GLT8D1: variants seen among roughly 807,000 people sequenced by gnomAD.
GLT8D1 encodes glycosyltransferase 8 domain containing 1.
GLT8D1 carries 41 observed loss-of-function variants against 46.2 expected under a neutral mutation model. The observed-to-expected ratio is 0.89, with a 90% CI of 0.69 to 1.15. The LOEUF is 1.15. GLT8D1 is among the 50% of genes most tolerant of loss of function. The pLI is 0.00. For synonymous variants in GLT8D1, 150 were observed against 154.2 expected (o/e 0.97, Z 0.20); for missense variants, 408 against 449.3 (o/e 0.91, Z 0.83).
Position 52,695,918 on chromosome 3 carries a change from A to G in GLT8D1, c.645+10T>C. 1.3e-6 allele frequency: 2 copies of G among 1,481,628 alleles called. No homozygotes were observed. Among genetic ancestry groups the G allele is most frequent in the Non-Finnish European group, 1.9e-6 (2 of 1,059,614 alleles). The allele number at this position is 1,481,628 out of a possible 1,614,324, so 91.8% of individuals were successfully genotyped here. On this transcript the variant is annotated intron_variant, in intron 7 of 9. Transcript: ENST00000266014. ...ATTGTAGGAAGAGGGGTGTTTGGTA[A>G]GCAATTTACCTGGTTTCCTGCTCCA...
At chr3:52,696,354 C>T (rs2097333555) in intron 5 of GLT8D1, 36 bp from the exon 6 acceptor site, 2 of 1,375,876 alleles carry the variant, frequency 1.5e-6, no homozygotes, top group Non-Finnish European at 2.1e-6. Flanking sequence ...TAGGATACCG[C>T]ACTAGCTGTG....
intron 7 of GLT8D1, 149 bp from the exon 8 acceptor site, chr3:52,695,736 T>C: frequency 3.1e-6 from 2 of 641,620 alleles, no homozygotes; most frequent in Non-Finnish European, 5.5e-6. Context: ...AACCTAGATG[T>C]TGACATAATA....
intron 1 of GLT8D1, chr3:52,703,094 A>C (rs1463794309): frequency 6.6e-6 from 1 of 151,028 alleles, no homozygotes; most frequent in African/African-American, 2.4e-5. Context: ...CACCTTTCCA[A>C]AGCAGTATAT....
In GLT8D1 at chr3:52,696,168, T is replaced by C. The variant is rs557470468; in HGVS notation, c.532+66A>G. On this transcript the variant is annotated intron_variant, in intron 6 of 9. Transcript: ENST00000266014. Reference sequence around the variant, plus strand: ...AACCACTACAGCCCACTGTAGCCCATTGTTTTATTTAGCAATTGTACCCAA... The same window carrying C: ...AACCACTACAGCCCACTGTAGCCCACTGTTTTATTTAGCAATTGTACCCAA... 4.5e-3 allele frequency: 5,481 copies of C among 1,223,676 alleles called. 14 individuals are homozygous for C. The highest frequency in any genetic ancestry group is 5.8e-3 in the Non-Finnish European group (4,814 of 825,024). The allele number at this position is 1,223,676 out of a possible 1,614,324, so 75.8% of individuals were successfully genotyped here. A position where few individuals can be genotyped will look rare whatever the true frequency, so the allele number is the denominator to read the frequency against.
In GLT8D1 at chr3:52,695,656, G is replaced by A; in HGVS notation, c.646-69C>T. The A allele has an allele frequency of 3.2e-6, 3 of 925,218 alleles. No homozygotes were observed. In the East Asian group the frequency reaches 7.2e-5, roughly 22 times the overall value. 57.3% of individuals were successfully genotyped at this position (925,218 alleles called of 1,614,324 possible). A position where few individuals can be genotyped will look rare whatever the true frequency, so the allele number is the denominator to read the frequency against. On this transcript the variant is annotated intron_variant, in intron 7 of 9. Coordinates refer to ENST00000266014, the MANE Select transcript of GLT8D1 (RefSeq NM_018446.4). The stretch of plus-strand genomic sequence containing the variant: ...AATAGATACAATTTTATAGCCAGTA[G>A]AGAGAAGAGCTGTTAAACTGACTTC...
At chr3:52,696,830 G>C (rs1211529437) in intron 4 of GLT8D1, among the ~76,000 whole-genome samples, 171 bp from the exon 5 acceptor site, 1 of 97,022 alleles carries the variant, frequency 1.0e-5, no homozygotes, top group Non-Finnish European at 2.2e-5. Context: ...GTCCCTCCCT[G>C]AATTAAGATT....
chr3:52,699,171 A>G (rs944054619), intron 3 of GLT8D1, among the ~76,000 whole-genome samples: 15 of 152,260 alleles, frequency 9.9e-5, no homozygotes, highest in Admixed American at 8.5e-4. Flanking sequence ...CCAAAATTGT[A>G]AATGAAATCA....
chr3:52,695,218 G>A lies in GLT8D1; in HGVS notation c.897C>T (p.Ile299=), dbSNP rs1271762580. 11 of 1,613,260 alleles carry A rather than the reference G, an allele frequency of 6.8e-6. No homozygotes were observed. In the East Asian group the frequency reaches 8.9e-5, roughly 13 times the overall value. The stretch of plus-strand genomic sequence containing the variant: ...GGTGGCGGACATTCCACATAGGATC[G>A]ATGGTAGAGTGCTGTTGATAAAATA... ...LIVFYQQHST[I]DPMWNVRHLG... is the part of the protein sequence containing the mutation. Residue 299 remains isoleucine, a synonymous_variant, in exon 9 of 10, where the codon ATC becomes ATT. Transcript: ENST00000266014.
intron 1 of GLT8D1, chr3:52,701,264 C>A (rs982291405): frequency 6.6e-6 from 1 of 151,588 alleles, no homozygotes; most frequent in African/African-American, 2.4e-5. Flanking sequence ...CTTGACAAAC[C>A]CACAGCACAG....
chr3:52,700,564 C>CT (rs78696896), intron 1 of GLT8D1, 68 bp from the exon 2 acceptor site: 12,655 of 532,122 alleles, frequency 0.024, no homozygotes, highest in Middle Eastern at 0.035. Flanking sequence ...TGCCCTAACA[C>CT]TTTTTTTTTT....
At position 52,694,964 on chromosome 3, in the gene GLT8D1, A is replaced by T. The variant is rs1156498363; in HGVS notation, c.997T>A (p.Leu333Met). The T allele has an allele frequency of 6.2e-7, 1 of 1,610,958 alleles. No homozygotes were observed. Among genetic ancestry groups the T allele is most frequent in the Non-Finnish European group, 8.5e-7 (1 of 1,177,038 alleles). The change falls in exon 10 of 10, where the codon TTG becomes ATG. Residue 333 changes from leucine (L) to methionine (M), a missense_variant. By Grantham distance (15) the Leu-to-Met change is conservative. Coordinates refer to ENST00000266014, the MANE Select transcript of GLT8D1 (RefSeq NM_018446.4). ...GAAGCAGTCCTTCCCCATGGCTTCA[A>T]ATGTCCATTCCAATGGAGTAACTTG... ...AAKLLHWNGH[L>M]KPWGRTASYT... is the part of the protein sequence containing the mutation.
At chr3:52,696,500 T>A (rs2097333751) in intron 5 of GLT8D1, 42 bp downstream of exon 5, 4 of 1,144,476 alleles carry the variant, frequency 3.5e-6, no homozygotes, top group African/African-American at 3.0e-5. Context: ...TTCCATTATT[T>A]CCTAATACTG....
rs1362790653 is a variant in GLT8D1, at chr3:52,695,320, CAA to C, written c.813-20_813-19del. The C allele has an allele frequency of 1.3e-6, 2 of 1,597,228 alleles. No individual in the cohort carries two copies. Among genetic ancestry groups the C allele is most frequent in the African/African-American group, 2.7e-5 (2 of 74,296 alleles). ...GTCCCTCTCTTGGTGGGACAGAAAA[CAA>C]ATGTTTGTTAGTGAAAAGTACTGAC... On this transcript the variant is annotated intron_variant, in intron 8 of 9. Transcript: ENST00000266014.
rs754701445 is a variant in GLT8D1 at position 52,695,948 on chromosome 3, T to A, written c.625A>T (p.Ile209Phe). 1 of 1,604,940 alleles carries A rather than the reference T, an allele frequency of 6.2e-7. No individual in the cohort carries two copies. Among genetic ancestry groups the A allele is most frequent in the Non-Finnish European group, 8.5e-7 (1 of 1,171,596 alleles). The change falls in exon 7 of 10, where the codon ATC (isoleucine) becomes TTC (phenylalanine). Residue 209 changes from isoleucine (I) to phenylalanine (F), a missense_variant. Coordinates refer to ENST00000266014, the MANE Select transcript of GLT8D1 (RefSeq NM_018446.4). ...TTTACCTGGTTTCCTGCTCCACGGA[T>A]GACAACTTTAGTAGAGGCTGAATCA... Reference protein sequence around the residue: ...DCDSASTKVVIRGAGNQYNYI... With the variant: ...DCDSASTKVVFRGAGNQYNYI...
chr3:52,701,056 C>A (rs2097338941), intron 1 of GLT8D1, among the ~76,000 whole-genome samples: 2 of 152,090 alleles, frequency 1.3e-5, no homozygotes, highest in Admixed American at 6.5e-5. Flanking sequence ...CAGAGTGAGA[C>A]TCTGTCTTTA....
At chr3:52,701,914 C>T (rs375464291) in intron 1 of GLT8D1, among the ~76,000 whole-genome samples, 1 of 152,340 alleles carries the variant, frequency 6.6e-6, no homozygotes, top group South Asian at 2.1e-4. Flanking sequence ...ACCAAGATAT[C>T]GTGAACCTAC....
chr3:52,694,974 C>A lies in GLT8D1; in HGVS notation c.987G>T (p.Trp329Cys). The A allele has an allele frequency of 6.2e-7, 1 of 1,611,050 alleles. No homozygotes were observed. The highest frequency in any genetic ancestry group is 8.5e-7 in the Non-Finnish European group (1 of 1,177,174). ...TTCCCCATGGCTTCAAATGTCCATT[C>A]CAATGGAGTAACTTGGCAGCCTTTA... ...QFVKAAKLLH[W>C]NGHLKPWGRT... The change falls in exon 10 of 10, where the codon TGG becomes TGT. Residue 329 changes from tryptophan (W) to cysteine (C), a missense_variant. Coordinates refer to ENST00000266014, the MANE Select transcript of GLT8D1 (RefSeq NM_018446.4).
chr3:52,700,523 G>C, intron 1 of GLT8D1, 27 bp from the exon 2 acceptor site: 1 of 1,119,536 alleles, frequency 8.9e-7, no homozygotes, highest in Non-Finnish European at 1.3e-6. Flanking sequence ...AGCCCCCAAA[G>C]TCAGTAAGCA....
At chr3:52,705,099 G>T (rs2097342806) in intron 1 of GLT8D1, 1 of 152,468 alleles carries the variant, frequency 6.6e-6, no homozygotes, top group Non-Finnish European at 1.5e-5. Context: ...CTGGGACCCA[G>T]AGGCCCGGGT....
Sources: gnomAD v4.1 joint callset for allele counts (sites outside exome capture counted in the v4.1 genomes callset) on GRCh38, gnomAD v4.1.1 for gene constraint, MANE v1.5 for transcripts, NCBI Gene and HGNC (gene_info 2026-07-23, HGNC 2026-07-21) for gene names.